Variants in PRH1 observed in about 807,000 individuals in gnomAD.
The protein encoded by PRH1 is salivary acidic proline-rich phosphoprotein 1/2.
Under a neutral mutation model 7.9 loss-of-function variants are expected in PRH1, and 7 were observed. That is an observed-to-expected ratio of 0.89 (90% CI 0.50 to 1.67). The LOEUF is 1.67. Among genes scored for constraint, PRH1 ranks in the 40% most tolerant of loss-of-function variants. The pLI is 0.00. For synonymous variants in PRH1, 45 were observed against 80.8 expected, an observed-to-expected ratio of 0.56 and a Z score of 2.38; for missense variants, 109 against 223.6, an observed-to-expected ratio of 0.49 and a Z score of 3.27.
chr12:11,133,935 T>C (rs1946464776), intron 1 of PRH1: 1 of 1,614,032 alleles, frequency 6.2e-7, no homozygotes, highest in African/African-American at 1.3e-5. Context: ...AAATAAAACA[T>C]GCTGAGGCTA....
At chr12:11,147,834 T>G (rs575968498) in intron 1 of PRH1, among the ~76,000 whole-genome samples, 68 of 152,102 alleles carry the variant, frequency 4.5e-4, no homozygotes, top group African/African-American at 1.3e-3. Context: ...AAAGTCATTG[T>G]TAGCTTGATG....
rs1399707396 is a variant in PRH1, at chr12:11,092,081, G to A, written n.124-44893C>T. On this transcript the variant is annotated intron_variant and non_coding_transcript_variant, in intron 1 of 4. Coordinates refer to the PRH1 transcript ENST00000541977. ...CAAACCAACTCTGGAGACCGCCAGA[G>A]CAGTGAGAATTTGGTCAGCAAAGGA... 7 of 1,506,694 alleles carry A rather than the reference G, an allele frequency of 4.6e-6. No individual in the cohort carries two copies. In the South Asian group the frequency reaches 8.3e-5, roughly 18 times the overall value. 93.3% of individuals were successfully genotyped at this position (1,506,694 alleles called of 1,614,324 possible).
At chr12:11,154,713 T>G (rs34082341) in intron 1 of PRH1, among the ~76,000 whole-genome samples, 1 of 152,034 alleles carries the variant, frequency 6.6e-6, no homozygotes, top group African/African-American at 2.4e-5. Context: ...CAGTGGTTAT[T>G]TGATCCAGTA....
chr12:10,996,829 A>C, intron 1 of PRH1: 1 of 925,580 alleles, frequency 1.1e-6, no homozygotes, highest in Non-Finnish European at 1.5e-6. Flanking sequence ...TTCTATGTCA[A>C]CTTTTGGAAA....
intron 1 of PRH1, among the ~76,000 whole-genome samples, chr12:10,975,165 G>A (rs1483601881): frequency 1.3e-5 from 2 of 152,144 alleles, no homozygotes; most frequent in Non-Finnish European, 2.9e-5. Context: ...AAAGTCAACT[G>A]GAAGAGAAAG....
At chr12:10,943,501 T>C (rs1950436741) in intron 2 of PRH1, among the ~76,000 whole-genome samples, 1 of 152,162 alleles carries the variant, frequency 6.6e-6, no homozygotes, top group African/African-American at 2.4e-5. Flanking sequence ...TTTGCAAATA[T>C]TTTCTTTCAT....
chr12:11,061,418 C>A, intron 1 of PRH1: 1 of 1,614,026 alleles, frequency 6.2e-7, no homozygotes, highest in Non-Finnish European at 8.5e-7. Context: ...TGCCACAAAA[C>A]TGAAAGAAAA....
intron 2 of PRH1, among the ~76,000 whole-genome samples, chr12:10,916,666 C>A (rs1305500525): frequency 6.6e-6 from 1 of 151,266 alleles, no homozygotes; most frequent in Non-Finnish European, 1.5e-5. Flanking sequence ...CATTCAGAAA[C>A]CCAAGCAAAC....
chr12:11,136,693 A>G (rs760655212), intron 1 of PRH1, among the ~76,000 whole-genome samples: 15 of 152,280 alleles, frequency 9.9e-5, no homozygotes, highest in Admixed American at 3.3e-4. Flanking sequence ...CACTTTCATT[A>G]ATTTGTATTC....
At chr12:11,131,204 C>A (rs977257534) in intron 1 of PRH1, among the ~76,000 whole-genome samples, 1 of 152,218 alleles carries the variant, frequency 6.6e-6, no homozygotes, top group Admixed American at 6.5e-5. Context: ...TCTCTCTCTT[C>A]CATGGACTAA....
chr12:10,967,622 GC>G lies in PRH1; in HGVS notation c.-59+6032del, dbSNP rs1938572606. ...ACAGGAAATTGATTTCATGTGATTA[GC>G]TTTTTGTTTTGTTTTGTTTTGTTTT... On this transcript the variant is annotated intron_variant, in intron 2 of 3. Coordinates refer to the PRH1 transcript ENST00000539853. Among the ~76,000 whole-genome samples the G allele has an allele frequency of 2.6e-5, 4 of 152,268 alleles. No homozygotes were observed. The South Asian group carries it at 8.3e-4, about 32-fold the overall frequency.
upstream of PRH1, among the ~76,000 whole-genome samples, chr12:11,050,768 T>C (rs554899792): frequency 1.3e-5 from 2 of 152,300 alleles, no homozygotes; most frequent in Non-Finnish European, 2.9e-5. Flanking sequence ...TTCACTCATG[T>C]AATTTGCTTC....
chr12:11,030,806 G>A (rs1283986544), intron 1 of PRH1: 9 of 1,614,004 alleles, frequency 5.6e-6, no homozygotes, highest in African/African-American at 4.0e-5. Flanking sequence ...GGTTACAGTC[G>A]CATCTGAAAG....
intron 1 of PRH1, among the ~76,000 whole-genome samples, chr12:10,998,739 A>C (rs781255711): frequency 2.0e-5 from 3 of 152,132 alleles, no homozygotes; most frequent in Non-Finnish European, 4.4e-5. Context: ...GCAAGCTTGT[A>C]AACATTCCTG....
At chr12:11,157,183 A>C (rs1223557839) in intron 1 of PRH1, among the ~76,000 whole-genome samples, 1 of 152,220 alleles carries the variant, frequency 6.6e-6, no homozygotes, top group East Asian at 1.9e-4. Flanking sequence ...CAAGTTGAAA[A>C]GAACTAAAAA....
intron 1 of PRH1, among the ~76,000 whole-genome samples, chr12:11,084,272 G>A (rs1043076540): frequency 2.2e-5 from 3 of 134,912 alleles, no homozygotes; most frequent in Non-Finnish European, 3.3e-5. Flanking sequence ...CTGTCGAAGT[G>A]TTGGTTTCTT....
At chr12:10,971,682 T>C (rs1159827477) in intron 2 of PRH1, among the ~76,000 whole-genome samples, 1 of 152,140 alleles carries the variant, frequency 6.6e-6, no homozygotes, top group African/African-American at 2.4e-5. Context: ...TTTATACTTC[T>C]AGGAGCAGTG....
intron 1 of PRH1, among the ~76,000 whole-genome samples, chr12:11,070,588 C>T (rs569215614): frequency 6.6e-6 from 1 of 152,296 alleles, no homozygotes; most frequent in African/African-American, 2.4e-5. Context: ...TAATAAACTT[C>T]CATTCCTGCT....
intron 1 of PRH1, among the ~76,000 whole-genome samples, chr12:11,127,057 G>A (rs1946156430): frequency 6.6e-6 from 1 of 152,104 alleles, no homozygotes; most frequent in Non-Finnish European, 1.5e-5. Context: ...GTGCAATAAC[G>A]TTCTTGTTCC....
Sources: gnomAD v4.1 joint callset for allele counts (sites outside exome capture counted in the v4.1 genomes callset) on GRCh38, gnomAD v4.1.1 for gene constraint, MANE v1.5 for transcripts, NCBI Gene and HGNC (gene_info 2026-07-23, HGNC 2026-07-21) for gene names.